ACVR1C: variants seen among roughly 807,000 people sequenced by gnomAD.
ACVR1C encodes the protein activin A receptor type 1C, also known as activin receptor type-1C.
ACVR1C carries 23 observed loss-of-function variants against 57.9 expected under a neutral mutation model. That is an observed-to-expected ratio of 0.40 (90% CI 0.29 to 0.56). The LOEUF is 0.56. Among genes scored for constraint, ACVR1C ranks in the 20% least tolerant of loss-of-function variants. ACVR1C has a pLI of 0.50. For synonymous variants in ACVR1C, 214 were observed against 215.3 expected (o/e 0.99, Z 0.05); for missense variants, 480 against 607.9 (o/e 0.79, Z 2.21).
At chr2:157,599,769 T>C (rs1682239853) in intron 1 of ACVR1C, among the ~76,000 whole-genome samples, 1 of 152,206 alleles carries the variant, frequency 6.6e-6, no homozygotes, top group Non-Finnish European at 1.5e-5. Flanking sequence ...TCCTGAAGGA[T>C]ACTATTTCCA....
chr2:157,587,513 T>C, intron 1 of ACVR1C, 96 bp from the exon 2 acceptor site: 2 of 957,658 alleles, frequency 2.1e-6, no homozygotes, highest in Non-Finnish European at 3.2e-6. Context: ...TTAATGAAAA[T>C]GGAAAAAGGG....
At chr2:157,615,388 G>A (rs1682623397) in intron 1 of ACVR1C, among the ~76,000 whole-genome samples, 2 of 150,700 alleles carry the variant, frequency 1.3e-5, no homozygotes, top group South Asian at 2.1e-4. Context: ...GGTTTTGCCT[G>A]TTTTGAGATA....
At chr2:157,550,002 CAAA>C (rs34150063) in intron 4 of ACVR1C, among the ~76,000 whole-genome samples, 157 bp downstream of exon 4, 5 of 91,920 alleles carry the variant, frequency 5.4e-5, no homozygotes, top group Non-Finnish European at 6.4e-5. Context: ...GATTACGTCT[CAAA>C]AAAAAAAAAA....
intron 2 of ACVR1C, among the ~76,000 whole-genome samples, chr2:157,579,597 C>A (rs1688737250): frequency 6.6e-6 from 1 of 152,104 alleles, no homozygotes; most frequent in African/African-American, 2.4e-5. Flanking sequence ...TCTGTTAATT[C>A]CAATATGTGA....
rs1241984268 is a variant in ACVR1C at position 157,527,828 on chromosome 2, AG to A, written c.*6089del. ...CGCTTGCATTTGTTAGACAAAATTTAGGCACACAATCCTCTCTTTACAGGCA... is the reference window on the plus strand; with the variant it reads ...CGCTTGCATTTGTTAGACAAAATTTAGCACACAATCCTCTCTTTACAGGCA... On this transcript the variant is annotated 3_prime_UTR_variant, in exon 9 of 9. Coordinates refer to ENST00000243349, the MANE Select transcript of ACVR1C (RefSeq NM_145259.3). 1 of 152,178 alleles carries A rather than the reference AG, an allele frequency of 6.6e-6. No homozygotes were observed. Among genetic ancestry groups the A allele is most frequent in the Non-Finnish European group, 1.5e-5 (1 of 68,010 alleles). The allele number at this position is 152,178 out of a possible 1,614,324, so 9.4% of individuals were successfully genotyped here.
rs200198534 is a variant in ACVR1C, at chr2:157,593,804, AAAAG to A, written c.74-6391_74-6388del. ...TTCTTAACAGTAAGGAAAAACAGAA[AAAAG>A]AAAGAAAGAAAGTAGCATTAATAAA... is the stretch of plus-strand genomic sequence containing the variant. On this transcript the variant is annotated intron_variant, in intron 1 of 8. Coordinates refer to ENST00000243349, the MANE Select transcript of ACVR1C (RefSeq NM_145259.3). Among the ~76,000 whole-genome samples, 1,108 of 152,288 alleles carry A rather than the reference AAAAG, an allele frequency of 7.3e-3. 11 individuals carry two copies. Among genetic ancestry groups the A allele is most frequent in the African/African-American group, 0.025 (1,052 of 41,562 alleles).
chr2:157,565,398 G>T (rs1209437290), intron 2 of ACVR1C, among the ~76,000 whole-genome samples: 1 of 151,876 alleles, frequency 6.6e-6, no homozygotes, highest in Non-Finnish European at 1.5e-5. Flanking sequence ...TCACTTCTTC[G>T]TAGTGACCAT....
intron 2 of ACVR1C, among the ~76,000 whole-genome samples, chr2:157,575,473 G>A (rs1329221924): frequency 6.6e-6 from 1 of 152,088 alleles, no homozygotes; most frequent in Non-Finnish European, 1.5e-5. Context: ...TTCACCACCT[G>A]GCCAAGGCTG....
At position 157,527,325 on chromosome 2, in the gene ACVR1C, T is replaced by G. The variant is rs2105191425; in HGVS notation, c.*6593A>C. The stretch of plus-strand genomic sequence containing the variant: ...TGGGCCTGTCGGCTGAAAGACAATC[T>G]TTTTACATACTTAAGAGTATCAGCT... On this transcript the variant is annotated 3_prime_UTR_variant, in exon 9 of 9. Coordinates refer to ENST00000243349, the MANE Select transcript of ACVR1C (RefSeq NM_145259.3). 6.6e-6 allele frequency: 1 copy of G among 152,326 alleles called. No individual in the cohort carries two copies. The highest frequency in any genetic ancestry group is 2.1e-4 in the South Asian group (1 of 4,830). The allele number at this position is 152,326 out of a possible 1,614,324, so 9.4% of individuals were successfully genotyped here. A position where few individuals can be genotyped will look rare whatever the true frequency, so the allele number is the denominator to read the frequency against.
Position 157,533,794 on chromosome 2 carries a change from C to A in ACVR1C, c.*124G>T. The A allele has an allele frequency of 1.1e-6, 1 of 891,664 alleles. No individual in the cohort carries two copies. The highest frequency in any genetic ancestry group is 1.5e-6 in the Non-Finnish European group (1 of 654,408). The allele number at this position is 891,664 out of a possible 1,614,324, so 55.2% of individuals were successfully genotyped here. A position where few individuals can be genotyped will look rare whatever the true frequency, so the allele number is the denominator to read the frequency against. ...TTATCTTTTCATGCTGCCTTATGGGCACTTAAATACTGTACTGTCTTATCT... is the reference window on the plus strand; with the variant it reads ...TTATCTTTTCATGCTGCCTTATGGGAACTTAAATACTGTACTGTCTTATCT... On this transcript the variant is annotated 3_prime_UTR_variant, in exon 9 of 9. Transcript: ENST00000243349.
chr2:157,608,785 G>C lies in ACVR1C; in HGVS notation c.73+19787C>G, dbSNP rs193120517. On this transcript the variant is annotated intron_variant, in intron 1 of 8. Coordinates refer to ENST00000243349, the MANE Select transcript of ACVR1C (RefSeq NM_145259.3). ...TTTATAGTTGTTCATAACAGTCTCT[G>C]ATGGTCTTTTGTATTTTTGTGGTAT... is the stretch of plus-strand genomic sequence containing the variant. Among the ~76,000 whole-genome samples the C allele has an allele frequency of 4.6e-5, 7 of 151,932 alleles. No homozygotes were observed. The East Asian group carries it at 1.3e-3, about 29-fold the overall frequency.
intron 2 of ACVR1C, among the ~76,000 whole-genome samples, chr2:157,578,385 A>AT: frequency 6.6e-6 from 1 of 152,318 alleles, no homozygotes; most frequent in East Asian, 1.9e-4. Flanking sequence ...TCCTTAGAAC[A>AT]TTTTAACTCC....
chr2:157,554,551 T>C (rs1214599077), intron 3 of ACVR1C, among the ~76,000 whole-genome samples: 2 of 152,202 alleles, frequency 1.3e-5, no homozygotes, highest in Admixed American at 1.3e-4. Context: ...TGCTACCTAA[T>C]GTGTACAGTG....
chr2:157,603,252 C>T (rs540539203), intron 1 of ACVR1C, among the ~76,000 whole-genome samples: 2 of 152,128 alleles, frequency 1.3e-5, no homozygotes, highest in Non-Finnish European at 2.9e-5. Context: ...ACTAGCCTAG[C>T]TTGATGATCT....
chr2:157,554,734 A>C (rs146023308), intron 3 of ACVR1C, among the ~76,000 whole-genome samples: 21 of 152,256 alleles, frequency 1.4e-4, no homozygotes, highest in Non-Finnish European at 2.6e-4. Context: ...ACCTCTGTTA[A>C]TTGTTACTGC....
At chr2:157,555,011 A>T (rs1326261552) in intron 3 of ACVR1C, among the ~76,000 whole-genome samples, 1 of 151,860 alleles carries the variant, frequency 6.6e-6, no homozygotes, top group East Asian at 1.9e-4. Flanking sequence ...TAAAAAAATA[A>T]AAAATAAAAA....
rs550775057 is a variant in ACVR1C at position 157,620,935 on chromosome 2, T to C, written c.73+7637A>G. ...GTAGCATCCATCCCTGTCTTTTTAT[T>C]AACCATGAGATAACAACGACAAAAT... is the stretch of plus-strand genomic sequence containing the variant. On this transcript the variant is annotated intron_variant, in intron 1 of 8. Coordinates refer to ENST00000243349, the MANE Select transcript of ACVR1C (RefSeq NM_145259.3). Among the ~76,000 whole-genome samples, 3 of 152,294 alleles carry C rather than the reference T, an allele frequency of 2.0e-5. No homozygotes were observed. The East Asian group carries it at 5.8e-4, about 29-fold the overall frequency.
chr2:157,576,203 C>CTTTT (rs10628650), intron 2 of ACVR1C, among the ~76,000 whole-genome samples: 26,547 of 97,026 alleles, frequency 0.27, 3,580 homozygotes, highest in Non-Finnish European at 0.31. Flanking sequence ...ATAATCATTT[C>CTTTT]TTTTTTTTTT....
intron 2 of ACVR1C, among the ~76,000 whole-genome samples, chr2:157,556,714 A>T (rs1378069168): frequency 7.9e-6 from 1 of 125,790 alleles, no homozygotes; most frequent in Non-Finnish European, 1.5e-5. Context: ...CCCAGGCTGG[A>T]GTGCAGTGGT....
Sources: gnomAD v4.1 joint callset for allele counts (sites outside exome capture counted in the v4.1 genomes callset) on GRCh38, gnomAD v4.1.1 for gene constraint, MANE v1.5 for transcripts, NCBI Gene and HGNC (gene_info 2026-07-23, HGNC 2026-07-21) for gene names.